The following ZNF536 variants were observed in gnomAD, a reference collection of about 807,000 sequenced individuals.
ZNF536 encodes zinc finger protein 536.
ZNF536 carries 13 observed loss-of-function variants against 84.5 expected under a neutral mutation model. The observed-to-expected ratio is 0.15, with a 90% CI of 0.10 to 0.24. The LOEUF (loss-of-function observed/expected upper bound fraction) is 0.24. ZNF536 is among the 10% of genes least tolerant of loss of function. The probability of loss-of-function intolerance (pLI) is 1.00; values close to 1 mark genes in which losing one functional copy is unlikely to be tolerated. For missense variants in ZNF536, 1,536 were observed against 1,747.5 expected (o/e 0.88, Z 2.16); for synonymous variants, 811 against 742.5 (o/e 1.09, Z -1.50).
chr19:30,233,852 C>T (rs769934322), intron 1 of ZNF536, among the ~76,000 whole-genome samples: 3 of 152,154 alleles, frequency 2.0e-5, no homozygotes, highest in Non-Finnish European at 4.4e-5. Context: ...AAGCATCTCC[C>T]GTGACCCACG....
intron 2 of ZNF536, among the ~76,000 whole-genome samples, chr19:30,302,273 C>T (rs1044079114): frequency 3.3e-5 from 5 of 152,122 alleles, no homozygotes; most frequent in African/African-American, 1.2e-4. Flanking sequence ...GTCCGTCCTG[C>T]GGCAGGGAGG....
chr19:30,334,887 T>C (rs1389995939), intron 2 of ZNF536, among the ~76,000 whole-genome samples: 2 of 152,202 alleles, frequency 1.3e-5, no homozygotes, highest in Admixed American at 6.5e-5. Context: ...ATCCCTTGCA[T>C]GCGCAGTTCA....
chr19:30,248,807 TC>T (rs1001581437), intron 1 of ZNF536, among the ~76,000 whole-genome samples: 4 of 152,186 alleles, frequency 2.6e-5, no homozygotes, highest in Admixed American at 6.5e-5. Flanking sequence ...CTAGATTTCA[TC>T]TTTTAACAAG....
chr19:30,686,229 G>T (rs997325367), intron 1 of ZNF536, among the ~76,000 whole-genome samples: 1 of 151,838 alleles, frequency 6.6e-6, no homozygotes, highest in South Asian at 2.1e-4. Flanking sequence ...CAGTAGCAGC[G>T]AGCACCCCCC....
chr19:30,400,746 C>T (rs1369702703), intron 1 of ZNF536, among the ~76,000 whole-genome samples: 1 of 152,120 alleles, frequency 6.6e-6, no homozygotes, highest in Non-Finnish European at 1.5e-5. Flanking sequence ...GTTCTTTCTA[C>T]ATATTAGATA....
At chr19:30,346,370 C>T (rs957080013) in intron 2 of ZNF536, among the ~76,000 whole-genome samples, 3 of 151,922 alleles carry the variant, frequency 2.0e-5, no homozygotes, top group Non-Finnish European at 4.4e-5. Context: ...TTCAGGGGTA[C>T]CTGTGCAGGT....
intron 1 of ZNF536, among the ~76,000 whole-genome samples, chr19:30,629,388 G>A (rs1322322255): frequency 6.6e-6 from 1 of 152,028 alleles, no homozygotes; most frequent in Non-Finnish European, 1.5e-5. Flanking sequence ...TGTAGACAGG[G>A]TTTTGCCATG....
At position 30,548,163 on chromosome 19, in the gene ZNF536, C is replaced by T. The variant is rs764767918; in HGVS notation, c.2544C>T (p.Ile848=). 18 of 1,614,126 alleles carry T rather than the reference C, an allele frequency of 1.1e-5. No individual in the cohort carries two copies. The highest frequency in any genetic ancestry group is 1.1e-4 in the East Asian group (5 of 44,870). Residue 848 remains isoleucine (I), a synonymous_variant, in exon 4 of 5, where the codon ATC becomes ATT. Coordinates refer to ENST00000355537, the MANE Select transcript of ZNF536 (RefSeq NM_014717.3). ...GGGCCTTCAAGGGTCTCCCTGGAAT[C>T]GACTTCAGAGGAGGCCCTGCATCTC... is the stretch of plus-strand genomic sequence containing the variant. ...LRGAFKGLPG[I]DFRGGPASQQ...
intron 1 of ZNF536, among the ~76,000 whole-genome samples, chr19:30,246,155 G>T (rs2024261552): frequency 6.6e-6 from 1 of 152,178 alleles, no homozygotes; most frequent in African/African-American, 2.4e-5. Flanking sequence ...CACAGAGGAT[G>T]ATTGCAGAAG....
At chr19:30,501,544 T>C (rs2054950082) in intron 2 of ZNF536, among the ~76,000 whole-genome samples, 1 of 152,206 alleles carries the variant, frequency 6.6e-6, no homozygotes, top group Admixed American at 6.5e-5. Context: ...CCTCCTTTCA[T>C]GGGCCTAGAC....
At chr19:30,240,680 G>A (rs1403203128) in intron 1 of ZNF536, among the ~76,000 whole-genome samples, 1 of 152,196 alleles carries the variant, frequency 6.6e-6, no homozygotes, top group Non-Finnish European at 1.5e-5. Context: ...GCTCTGAGAG[G>A]GAAGCATTGC....
At chr19:30,514,103 T>G (rs568638182) in intron 2 of ZNF536, among the ~76,000 whole-genome samples, 2 of 152,280 alleles carry the variant, frequency 1.3e-5, no homozygotes, top group East Asian at 3.9e-4. Flanking sequence ...GGCTTTGCTT[T>G]GCTTTTGAAG....
At chr19:30,392,269 C>T (rs2049624630) in intron 1 of ZNF536, among the ~76,000 whole-genome samples, 1 of 152,122 alleles carries the variant, frequency 6.6e-6, no homozygotes, top group Non-Finnish European at 1.5e-5. Context: ...ACCACAGATC[C>T]CCTGGGGCGA....
At chr19:30,353,425 T>C (rs1323939847) in intron 3 of ZNF536, among the ~76,000 whole-genome samples, 1 of 152,088 alleles carries the variant, frequency 6.6e-6, no homozygotes, top group Non-Finnish European at 1.5e-5. Flanking sequence ...GATTTCACAC[T>C]GTGGTGAGTG....
intron 1 of ZNF536, among the ~76,000 whole-genome samples, chr19:30,649,176 C>G (rs1264759158): frequency 2.0e-5 from 3 of 152,156 alleles, no homozygotes; most frequent in African/African-American, 7.2e-5. Context: ...TATAGATGGA[C>G]TTGGTGAGCA....
chr19:30,649,215 T>G (rs1364145864), intron 1 of ZNF536, among the ~76,000 whole-genome samples: 2 of 152,226 alleles, frequency 1.3e-5, no homozygotes, highest in Non-Finnish European at 2.9e-5. Flanking sequence ...TGCTTCATAA[T>G]AATTGCTTGC....
At chr19:30,275,817 C>T (rs1600017398) in intron 1 of ZNF536, among the ~76,000 whole-genome samples, 1 of 145,810 alleles carries the variant, frequency 6.9e-6, no homozygotes, top group Non-Finnish European at 1.5e-5. Context: ...ATGAACAAAG[C>T]CCTCAGAAGG....
intron 1 of ZNF536, among the ~76,000 whole-genome samples, chr19:30,700,071 TTCTC>T (rs930544021): frequency 2.7e-5 from 4 of 145,846 alleles, no homozygotes; most frequent in Non-Finnish European, 4.5e-5. Context: ...GCCTCCCTCC[TTCTC>T]TCTCCCTCTT....
chr19:30,551,285 C>T (rs2045772121), intron 4 of ZNF536, among the ~76,000 whole-genome samples: 1 of 152,072 alleles, frequency 6.6e-6, no homozygotes, highest in East Asian at 1.9e-4. Context: ...ATTAATTTTC[C>T]CATCTTCCTA....
Sources: allele counts gnomAD v4.1 joint callset (sites outside exome capture counted in the v4.1 genomes callset), GRCh38; gene constraint gnomAD v4.1.1; transcripts MANE v1.5; gene names NCBI Gene and HGNC (gene_info 2026-07-23, HGNC 2026-07-21).